The following TPCN1 variants were observed in gnomAD, a reference collection of about 807,000 sequenced individuals.
The protein encoded by TPCN1 is two pore segment channel 1.
In TPCN1, 52 loss-of-function variants were observed where a neutral mutation model predicts 108.8. The ratio of observed to expected loss-of-function variants is 0.48; its 90% CI spans 0.38 to 0.60. The LOEUF (loss-of-function observed/expected upper bound fraction) is 0.60, where lower values mean the gene tolerates loss of function less well. Among genes scored for constraint, TPCN1 ranks in the 20% least tolerant of loss-of-function variants. TPCN1 has a pLI of 0.00. For missense variants in TPCN1, 806 were observed against 1,072.8 expected, an observed-to-expected ratio of 0.75 and a Z score of 3.47; for synonymous variants, 446 against 433.7, an observed-to-expected ratio of 1.03 and a Z score of -0.35.
At chr12:113,292,597 TAAAAG>T (rs1457346835) in intron 25 of TPCN1, 5 of 226,246 alleles carry the variant, frequency 2.2e-5, no homozygotes, top group Non-Finnish European at 4.3e-5. Flanking sequence ...CCCTGTCTCT[TAAAAG>T]AAACAGAAAA....
chr12:113,291,867 T>G lies in TPCN1; in HGVS notation c.2029-7T>G. 3.0e-6 allele frequency: 4 copies of G among 1,313,278 alleles called. No individual in the cohort carries two copies. Among genetic ancestry groups the G allele is most frequent in the Non-Finnish European group, 4.2e-6 (4 of 960,712 alleles). The allele number at this position is 1,313,278 out of a possible 1,614,324, so 81.4% of individuals were successfully genotyped here. ...GCCTCTGCCCCTCCCTCCCTATCCC[T>G]GGCCAGGTGGTGATGACGATCATTG... On this transcript the variant is annotated splice_polypyrimidine_tract_variant and splice_region_variant and intron_variant, in intron 24 of 27. Coordinates refer to ENST00000335509, the MANE Select transcript of TPCN1 (RefSeq NM_017901.6).
intron 15 of TPCN1, among the ~76,000 whole-genome samples, chr12:113,281,949 C>T (rs2136701530): frequency 7.0e-6 from 1 of 143,162 alleles, no homozygotes; most frequent in East Asian, 2.1e-4. Flanking sequence ...GAGTCTCACT[C>T]TATCTCTGTC....
chr12:113,287,213 T>C, intron 19 of TPCN1, 119 bp downstream of exon 19: 1 of 796,818 alleles, frequency 1.3e-6, no homozygotes, highest in African/African-American at 1.7e-5. Context: ...GAGTCACAGA[T>C]GTCACCCCCT....
intron 2 of TPCN1, among the ~76,000 whole-genome samples, chr12:113,229,633 C>T (rs763878968): frequency 5.3e-5 from 8 of 152,202 alleles, no homozygotes; most frequent in Admixed American, 1.3e-4. Flanking sequence ...GGATTACAGG[C>T]GTGAGCCACT....
intron 2 of TPCN1, among the ~76,000 whole-genome samples, chr12:113,257,573 A>T (rs1954873342): frequency 6.6e-6 from 1 of 152,198 alleles, no homozygotes. Flanking sequence ...ATATACTGCT[A>T]GTGAGAATGT....
chr12:113,280,322 C>A, intron 15 of TPCN1, 127 bp downstream of exon 15: 2 of 703,508 alleles, frequency 2.8e-6, no homozygotes, highest in Non-Finnish European at 2.4e-6. Flanking sequence ...GAATTCCCAG[C>A]ATGTATAAAA....
chr12:113,278,580 T>C (rs771312329), intron 13 of TPCN1, among the ~76,000 whole-genome samples, 192 bp from the exon 14 acceptor site: 8 of 152,212 alleles, frequency 5.3e-5, no homozygotes, highest in Admixed American at 1.3e-4. Flanking sequence ...TATACTAAAA[T>C]AAGGCCTCTG....
chr12:113,235,347 C>T (rs760308708), intron 2 of TPCN1, among the ~76,000 whole-genome samples: 11 of 152,156 alleles, frequency 7.2e-5, no homozygotes, highest in South Asian at 2.1e-4. Flanking sequence ...ATTCTACATT[C>T]TCCGTTCTTA....
chr12:113,243,641 C>G (rs906019927), intron 2 of TPCN1, among the ~76,000 whole-genome samples: 7 of 152,022 alleles, frequency 4.6e-5, no homozygotes, highest in Non-Finnish European at 8.8e-5. Flanking sequence ...ATAATCCCAG[C>G]TACTGAGGAG....
chr12:113,288,888 C>CG lies in TPCN1; in HGVS notation c.1796+44dup, dbSNP rs1181377320. Reference sequence around the variant, plus strand: ...CCAGCCCCAGGCAGCCTGCATTTCCCGGGCAGAGGGCTGGCCAGGGCCAGG... The same window carrying CG: ...CCAGCCCCAGGCAGCCTGCATTTCCCGGGGCAGAGGGCTGGCCAGGGCCAGG... On this transcript the variant is annotated intron_variant, in intron 21 of 27. Transcript: ENST00000335509. This position sits in a 1 kb window ranked among gnomAD's most constrained non-coding sequence, Gnocchi z 4.8. 5 of 1,599,330 alleles carry CG rather than the reference C, an allele frequency of 3.1e-6. No individual in the cohort carries two copies. The East Asian group carries it at 8.9e-5, about 29-fold the overall frequency.
Position 113,221,525 on chromosome 12 carries a change from G to T in TPCN1, c.-227G>T, listed in dbSNP as rs927080142. On this transcript the variant is annotated 5_prime_UTR_variant, in exon 1 of 28. Transcript: ENST00000335509. ...TGGCGGCGGCTTCGGCGGCTGCGGCGGCTGCAACAGCTTCGGGCTCGGGGT... is the reference window on the plus strand; with the variant it reads ...TGGCGGCGGCTTCGGCGGCTGCGGCTGCTGCAACAGCTTCGGGCTCGGGGT... 2.8e-4 allele frequency: 81 copies of T among 291,204 alleles called. No homozygotes were observed. The Middle Eastern group carries it at 4.2e-3, about 15-fold the overall frequency. The allele number at this position is 291,204 out of a possible 1,614,324, so 18.0% of individuals were successfully genotyped here.
chr12:113,291,543 G>A (rs1471732702), intron 23 of TPCN1, 66 bp from the exon 24 acceptor site: 2 of 1,402,198 alleles, frequency 1.4e-6, no homozygotes, highest in South Asian at 1.2e-5. Context: ...CCATGGAGCA[G>A]CCTGTGTAGA....
chr12:113,291,650 C>T lies in TPCN1; in HGVS notation c.2001C>T (p.Tyr667=). 6.2e-7 allele frequency: 1 copy of T among 1,613,908 alleles called. No homozygotes were observed. The highest frequency in any genetic ancestry group is 8.5e-7 in the Non-Finnish European group (1 of 1,179,928). Residue 667 remains tyrosine, a synonymous_variant, in exon 24 of 28, where the codon TAC becomes TAT. Transcript: ENST00000335509. ...TSQTSHWSRL[Y]FMTFYIVTMV... ...AGACCTCCCACTGGAGCCGCCTCTACTTCATGACCTTTTACATTGTGACCA... is the reference window on the plus strand; with the variant it reads ...AGACCTCCCACTGGAGCCGCCTCTATTTCATGACCTTTTACATTGTGACCA...
intron 2 of TPCN1, among the ~76,000 whole-genome samples, chr12:113,235,727 G>A (rs1424144498): frequency 5.3e-5 from 8 of 152,134 alleles, no homozygotes; most frequent in Non-Finnish European, 1.2e-4. Flanking sequence ...CTTTTGTGGT[G>A]TATAACTCTA....
At position 113,288,500 on chromosome 12, in the gene TPCN1, G is replaced by T. The variant is rs1033514415; in HGVS notation, c.1707-258G>T. On this transcript the variant is annotated intron_variant, in intron 20 of 27. Coordinates refer to ENST00000335509, the MANE Select transcript of TPCN1 (RefSeq NM_017901.6). This position sits in a 1 kb window ranked among gnomAD's most constrained non-coding sequence, Gnocchi z 4.8. ...ACCTGTGTCTACATTCACAGGTAAGGGGTCACCTGTGAGTCTACCTTCACA... is the reference window on the plus strand; with the variant it reads ...ACCTGTGTCTACATTCACAGGTAAGTGGTCACCTGTGAGTCTACCTTCACA... 2 of 1,501,662 alleles carry T rather than the reference G, an allele frequency of 1.3e-6. No individual in the cohort carries two copies. Among genetic ancestry groups the T allele is most frequent in the African/African-American group, 2.8e-5 (2 of 72,022 alleles). 93.0% of individuals were successfully genotyped at this position (1,501,662 alleles called of 1,614,324 possible). A position where few individuals can be genotyped will look rare whatever the true frequency, so the allele number is the denominator to read the frequency against.
rs943277861 is a variant in TPCN1 at position 113,272,730 on chromosome 12, G to A, written c.783+38G>A. On this transcript the variant is annotated intron_variant, in intron 8 of 27. Transcript: ENST00000335509. This position sits in a 1 kb window ranked among gnomAD's most constrained non-coding sequence, Gnocchi z 4.1. The stretch of plus-strand genomic sequence containing the variant: ...CACATTTGTCCGTCTCTTCTTTTAT[G>A]GAGGGCTTTTCCCTCAGACAGGGTC... The A allele has an allele frequency of 1.2e-6, 2 of 1,603,854 alleles. No individual in the cohort carries two copies. The highest frequency in any genetic ancestry group is 3.3e-5 in the Admixed American group (2 of 60,008).
chr12:113,247,699 A>G (rs1242198097), intron 2 of TPCN1, among the ~76,000 whole-genome samples: 1 of 152,186 alleles, frequency 6.6e-6, no homozygotes, highest in Non-Finnish European at 1.5e-5. Context: ...CTCGCCTTCC[A>G]TTTGCACCCT....
At chr12:113,293,845 T>C (rs1417505041) in intron 27 of TPCN1, among the ~76,000 whole-genome samples, 1 of 152,072 alleles carries the variant, frequency 6.6e-6, no homozygotes, top group Non-Finnish European at 1.5e-5. Context: ...GGCTGCTTGG[T>C]GTTTTGTTTT....
chr12:113,295,824 G>T, intron 27 of TPCN1, 136 bp from the exon 28 acceptor site: 1 of 938,368 alleles, frequency 1.1e-6, no homozygotes, highest in Non-Finnish European at 1.6e-6. Context: ...CTGTGACGGG[G>T]GTTTCAGTAC....
Sources: allele counts gnomAD v4.1 joint callset (sites outside exome capture counted in the v4.1 genomes callset), GRCh38; gene constraint gnomAD v4.1.1; non-coding constraint Gnocchi (gnomAD v3.1); transcripts MANE v1.5; gene names NCBI Gene and HGNC (gene_info 2026-07-23, HGNC 2026-07-21).